The following RBFOX1 variants were observed in gnomAD, a reference collection of about 807,000 sequenced individuals.
RBFOX1 encodes RNA binding protein fox-1 homolog 1.
RBFOX1 carries 8 observed loss-of-function variants against 57.7 expected under a neutral mutation model. That is an observed-to-expected ratio of 0.14 (90% confidence interval 0.08 to 0.25). The LOEUF (loss-of-function observed/expected upper bound fraction) is 0.25, where lower values mean the gene tolerates loss of function less well. RBFOX1 is among the 10% of genes least tolerant of loss of function. The pLI, the probability that RBFOX1 is intolerant of heterozygous loss-of-function variation, is 1.00. For synonymous variants in RBFOX1, 326 were observed against 222.4 expected (o/e 1.47, Z -4.15); for missense variants, 611 against 548.5 (o/e 1.11, Z -1.14).
In RBFOX1 at chr16:7,053,930, T is replaced by C. The variant is rs182701937; in HGVS notation, c.27+1832T>C. Among the ~76,000 whole-genome samples the C allele has an allele frequency of 3.4e-4, 51 of 152,202 alleles. 2 individuals carry two copies. The highest frequency in any genetic ancestry group is 3.1e-3 in the Admixed American group (48 of 15,282). ...TTTGATTGGATAGAGCACACATATATAGGGTTCAAAATTTAAATAGTACCA... is the reference window on the plus strand; with the variant it reads ...TTTGATTGGATAGAGCACACATATACAGGGTTCAAAATTTAAATAGTACCA... On this transcript the variant is annotated intron_variant, in intron 4 of 15. Transcript: ENST00000550418.
intron 4 of RBFOX1, among the ~76,000 whole-genome samples, chr16:7,181,017 G>A (rs969943961): frequency 1.6e-4 from 24 of 152,158 alleles, no homozygotes; most frequent in Non-Finnish European, 3.1e-4. Context: ...GGAATGTTGC[G>A]GCATTGCAGT....
chr16:7,124,500 G>A (rs562091243), intron 4 of RBFOX1, among the ~76,000 whole-genome samples: 156 of 98,096 alleles, frequency 1.6e-3, no homozygotes, highest in African/African-American at 6.0e-3. Flanking sequence ...TCCCTTCCTC[G>A]CTCCCCCTCC....
At chr16:6,132,942 GC>G (rs2096639752) in intron 1 of RBFOX1, among the ~76,000 whole-genome samples, 1 of 146,578 alleles carries the variant, frequency 6.8e-6, no homozygotes, top group Admixed American at 6.8e-5. Flanking sequence ...TCCATCCTGG[GC>G]AACAGAACGA....
intron 8 of RBFOX1, among the ~76,000 whole-genome samples, chr16:7,596,349 C>T (rs1051294075): frequency 6.6e-6 from 1 of 151,662 alleles, no homozygotes; most frequent in African/African-American, 2.4e-5. Flanking sequence ...AACATAGCCA[C>T]AGGGTCATAT....
At chr16:7,504,147 C>A (rs1048282704) in intron 4 of RBFOX1, among the ~76,000 whole-genome samples, 1 of 152,102 alleles carries the variant, frequency 6.6e-6, no homozygotes, top group Admixed American at 6.5e-5. Flanking sequence ...CTTCATGGAA[C>A]CATCATGACC....
chr16:7,192,857 G>C (rs2085766489), intron 4 of RBFOX1, among the ~76,000 whole-genome samples: 1 of 152,216 alleles, frequency 6.6e-6, no homozygotes, highest in Non-Finnish European at 1.5e-5. Context: ...GGAAGATGAA[G>C]TCCGAGGATC....
chr16:7,425,984 C>T (rs2098606806), intron 4 of RBFOX1, among the ~76,000 whole-genome samples: 1 of 152,194 alleles, frequency 6.6e-6, no homozygotes, highest in African/African-American at 2.4e-5. Context: ...ATTGTTTATA[C>T]ACATTGGTGT....
In RBFOX1 at chr16:5,767,170, G is replaced by A. The variant is rs75601955; in HGVS notation, c.319-100133G>A. On this transcript the variant is annotated intron_variant, in intron 3 of 19. Coordinates refer to the RBFOX1 transcript ENST00000641259. ...ATTCAGTCCCAATCACAGGTTAAGG[G>A]TGAGGGATAGCTTGGTAGAAATACC... is the stretch of plus-strand genomic sequence containing the variant. 4.3e-3 allele frequency among the ~76,000 whole-genome samples: 648 copies of A among 152,318 alleles called. 8 individuals carry two copies. The highest frequency in any genetic ancestry group is 0.015 in the African/African-American group (614 of 41,568).
At chr16:6,583,674 G>C (rs896215191) in intron 2 of RBFOX1, among the ~76,000 whole-genome samples, 1 of 152,192 alleles carries the variant, frequency 6.6e-6, no homozygotes, top group East Asian at 1.9e-4. Flanking sequence ...TTAAATCACA[G>C]TGCAATTTCT....
chr16:6,624,878 C>G (rs2098281463), intron 2 of RBFOX1, among the ~76,000 whole-genome samples: 2 of 152,062 alleles, frequency 1.3e-5, no homozygotes, highest in African/African-American at 2.4e-5. Flanking sequence ...AAATGACATT[C>G]TGGGCTGGAC....
chr16:7,193,496 G>A (rs1207091851), intron 4 of RBFOX1, among the ~76,000 whole-genome samples: 3 of 152,204 alleles, frequency 2.0e-5, no homozygotes, highest in African/African-American at 7.2e-5. Context: ...GCAGTATCAA[G>A]CTAATACAGG....
chr16:7,584,609 C>G (rs1277515739), intron 6 of RBFOX1, among the ~76,000 whole-genome samples: 2 of 152,202 alleles, frequency 1.3e-5, no homozygotes, highest in Non-Finnish European at 2.9e-5. Flanking sequence ...GCTCTTGATA[C>G]AGCTATTGAG....
intron 2 of RBFOX1, among the ~76,000 whole-genome samples, chr16:6,430,345 G>T (rs1199721178): frequency 1.3e-5 from 2 of 152,142 alleles, no homozygotes; most frequent in African/African-American, 4.8e-5. Context: ...ATGCTATGAT[G>T]TACAAATGTG....
rs768669595 is a variant in RBFOX1 at position 7,665,011 on chromosome 16, G to C, written c.930+43G>C. On this transcript the variant is annotated intron_variant, in intron 13 of 15. Transcript: ENST00000550418. ...TGCATGCCATCCCCGTTTCCTCCTG[G>C]AGTCATTCTTTTTACAAGTTTGCTG... is the stretch of plus-strand genomic sequence containing the variant. The C allele has an allele frequency of 3.1e-6, 5 of 1,613,658 alleles. No homozygotes were observed. The Admixed American group carries it at 8.3e-5, about 27-fold the overall frequency.
chr16:6,449,361 T>A (rs1320630806), intron 2 of RBFOX1, among the ~76,000 whole-genome samples: 1 of 152,236 alleles, frequency 6.6e-6, no homozygotes, highest in Non-Finnish European at 1.5e-5. Flanking sequence ...GTAACAATTA[T>A]GTTGCAGGAA....
At chr16:5,583,372 C>G (rs1172709255) in intron 2 of RBFOX1, among the ~76,000 whole-genome samples, 1 of 152,192 alleles carries the variant, frequency 6.6e-6, no homozygotes, top group East Asian at 1.9e-4. Context: ...TGAGTGTTGG[C>G]CAATCCCAGC....
intron 5 of RBFOX1, among the ~76,000 whole-genome samples, chr16:7,527,040 C>T (rs757876799): frequency 6.6e-6 from 1 of 152,244 alleles, no homozygotes; most frequent in African/African-American, 2.4e-5. Context: ...TGCAACATTA[C>T]AGACTTCGAG....
At chr16:6,424,610 T>TGTGTGCGTGC (rs2093871752) in intron 2 of RBFOX1, among the ~76,000 whole-genome samples, 1 of 131,212 alleles carries the variant, frequency 7.6e-6, no homozygotes, top group Admixed American at 8.5e-5. Flanking sequence ...GAGCACTGTG[T>TGTGTGCGTGC]GTGTGTGTGC....
intron 4 of RBFOX1, among the ~76,000 whole-genome samples, chr16:7,179,137 G>A (rs1181239495): frequency 6.6e-6 from 1 of 151,962 alleles, no homozygotes; most frequent in East Asian, 1.9e-4. Flanking sequence ...CATCCGGAGG[G>A]GTTAATATTT....
Sources: gnomAD v4.1 joint callset for allele counts (sites outside exome capture counted in the v4.1 genomes callset) on GRCh38, gnomAD v4.1.1 for gene constraint, MANE v1.5 for transcripts, NCBI Gene and HGNC (gene_info 2026-07-23, HGNC 2026-07-21) for gene names.